The following NPFFR2 variants were observed in gnomAD, a reference collection of about 807,000 sequenced individuals.
NPFFR2 encodes G-protein coupled receptor 74.
In NPFFR2, 15 loss-of-function variants were observed where a neutral mutation model predicts 13.1. The ratio of observed to expected loss-of-function variants is 1.15; its 90% CI spans 0.77 to 1.76. The LOEUF (loss-of-function observed/expected upper bound fraction) is 1.76, where lower values mean the gene tolerates loss of function less well. Among genes scored for constraint, NPFFR2 ranks in the 40% most tolerant of loss-of-function variants. The pLI is 0.00. For synonymous variants in NPFFR2, 190 were observed against 175.7 expected (o/e 1.08, Z -0.65); for missense variants, 572 against 503.5 (o/e 1.14, Z -1.30).
intron 1 of NPFFR2, among the ~76,000 whole-genome samples, chr4:72,063,450 A>G (rs1432720071): frequency 6.6e-6 from 1 of 152,208 alleles, no homozygotes; most frequent in Non-Finnish European, 1.5e-5. Flanking sequence ...GTCAGCTTCT[A>G]AAGAAATGGT....
intron 3 of NPFFR2, among the ~76,000 whole-genome samples, chr4:72,142,735 AT>A (rs1474548070): frequency 6.6e-6 from 1 of 152,214 alleles, no homozygotes; most frequent in African/African-American, 2.4e-5. Context: ...AGAAATGCAA[AT>A]GAGCTAAAAT....
In NPFFR2 at chr4:72,068,896, G is replaced by A. The variant is rs564972797; in HGVS notation, c.-8+36696G>A. 9.6e-5 allele frequency: 76 copies of A among 787,692 alleles called. 1 individual carries two copies. The highest frequency in any genetic ancestry group is 2.1e-4 in the Admixed American group (6 of 27,966). 48.8% of individuals were successfully genotyped at this position (787,692 alleles called of 1,614,324 possible). The stretch of plus-strand genomic sequence containing the variant: ...GCATGGCTCTAGACACATATGGTTT[G>A]ATTTCTTTATTTCCAGGTCTCCTCA... On this transcript the variant is annotated intron_variant, in intron 1 of 3. Coordinates refer to ENST00000308744, the MANE Select transcript of NPFFR2 (RefSeq NM_004885.3).
chr4:72,038,266 C>T (rs1357677626), intron 1 of NPFFR2, among the ~76,000 whole-genome samples: 1 of 152,150 alleles, frequency 6.6e-6, no homozygotes, highest in African/African-American at 2.4e-5. Context: ...AGCCCACTTG[C>T]TAGTTGAGAC....
rs1722805052 is a variant in NPFFR2 at position 72,147,102 on chromosome 4, C to G, written c.553C>G (p.Gln185Glu). 6.2e-7 allele frequency: 1 copy of G among 1,613,886 alleles called. No homozygotes were observed. Among genetic ancestry groups the G allele is most frequent in the South Asian group, 1.1e-5 (1 of 91,076 alleles). ...MSPSAVMLHVQEEKYYRVRLN... is the reference protein window; with the variant it reads ...MSPSAVMLHVEEEKYYRVRLN... ...TCCATCTGCAGTAATGTTACATGTG[C>G]AAGAAGAAAAATATTACCGAGTGAG... is the stretch of plus-strand genomic sequence containing the variant. The change falls in exon 4 of 4, where the codon CAA (glutamine) becomes GAA (glutamate). Residue 185 changes from glutamine (Q) to glutamate (E), a missense_variant. Physicochemically the swap from Gln to Glu is conservative, Grantham distance 29 (BLOSUM62 2). Coordinates refer to ENST00000308744, the MANE Select transcript of NPFFR2 (RefSeq NM_004885.3).
intron 1 of NPFFR2, among the ~76,000 whole-genome samples, chr4:72,115,512 C>G (rs1235804476): frequency 6.6e-6 from 1 of 152,106 alleles, no homozygotes; most frequent in African/African-American, 2.4e-5. Flanking sequence ...CATGTGTGTC[C>G]TTGGTCTTAT....
chr4:72,044,192 A>T (rs146720271), intron 1 of NPFFR2, among the ~76,000 whole-genome samples: 73 of 152,306 alleles, frequency 4.8e-4, no homozygotes, highest in African/African-American at 1.7e-3. Context: ...CTCATGCAGA[A>T]TTGTGAATCA....
In NPFFR2 at chr4:72,147,914, TAAAAC is replaced by T. The variant is rs1722842230; in HGVS notation, c.*104_*108del. The T allele has an allele frequency of 9.8e-6, 9 of 917,230 alleles. No individual in the cohort carries two copies. Among genetic ancestry groups the T allele is most frequent in the Admixed American group, 7.1e-5 (2 of 28,238 alleles). The allele number at this position is 917,230 out of a possible 1,614,324, so 56.8% of individuals were successfully genotyped here. On this transcript the variant is annotated 3_prime_UTR_variant, in exon 4 of 4. Transcript: ENST00000308744. ...CAAATTTTTCAAAGAATGTTCTAAA[TAAAAC>T]ATTTACTGAAAGCCCTCTCTGGCAA...
intron 1 of NPFFR2, among the ~76,000 whole-genome samples, chr4:72,062,810 C>A (rs1343833110): frequency 6.6e-6 from 1 of 152,136 alleles, no homozygotes; most frequent in African/African-American, 2.4e-5. Context: ...GCCCAGTTGT[C>A]TCAGTTAAAG....
intron 2 of NPFFR2, among the ~76,000 whole-genome samples, chr4:72,132,419 T>G (rs1265623469): frequency 1.3e-5 from 2 of 152,216 alleles, no homozygotes; most frequent in Non-Finnish European, 2.9e-5. Flanking sequence ...TTAGATTGAT[T>G]CCATGTCTTT....
chr4:72,075,359 CATTCCATT>C (rs1295847147), intron 1 of NPFFR2, among the ~76,000 whole-genome samples: 5 of 152,092 alleles, frequency 3.3e-5, no homozygotes, highest in African/African-American at 1.2e-4. Context: ...TAATAAACTC[CATTCCATT>C]AGTTCTGTCC....
chr4:72,079,818 G>C (rs1720553668), intron 1 of NPFFR2, among the ~76,000 whole-genome samples: 1 of 152,148 alleles, frequency 6.6e-6, no homozygotes, highest in East Asian at 1.9e-4. Context: ...ATGTCCCCTG[G>C]GCCCTGCAAC....
intron 1 of NPFFR2, among the ~76,000 whole-genome samples, chr4:72,066,630 T>C (rs1417729611): frequency 1.5e-5 from 1 of 66,274 alleles, no homozygotes; most frequent in Non-Finnish European, 4.1e-5. Flanking sequence ...ACAAGTTAGA[T>C]GTTTCTGTTC....
At chr4:72,046,104 A>G (rs56770153) in intron 1 of NPFFR2, among the ~76,000 whole-genome samples, 1 of 152,108 alleles carries the variant, frequency 6.6e-6, no homozygotes. Flanking sequence ...AGGCAAAAAA[A>G]TAGCTGCCAT....
chr4:72,073,438 G>A (rs1478993490), intron 1 of NPFFR2, among the ~76,000 whole-genome samples: 1 of 151,950 alleles, frequency 6.6e-6, no homozygotes, highest in Non-Finnish European at 1.5e-5. Flanking sequence ...CCTGCAGGTT[G>A]AAATTAAAGA....
Position 72,128,735 on chromosome 4 carries a change from C to A in NPFFR2, c.144C>A (p.Phe48Leu), listed in dbSNP as rs376287922. ...YLHQPQVAAI[F>L]IISYFLIFFL... ...ACCAGCCTCAAGTGGCAGCAATCTTCATTATTTCCTACTTTCTGATCTTCT... is the reference window on the plus strand; with the variant it reads ...ACCAGCCTCAAGTGGCAGCAATCTTAATTATTTCCTACTTTCTGATCTTCT... Residue 48 changes from phenylalanine to leucine, a missense_variant, in exon 2 of 4, where the codon TTC becomes TTA. Physicochemically the swap from Phe to Leu is conservative, Grantham distance 22. Coordinates refer to ENST00000308744, the MANE Select transcript of NPFFR2 (RefSeq NM_004885.3). 9 of 1,614,110 alleles carry A rather than the reference C, an allele frequency of 5.6e-6. No individual in the cohort carries two copies. The highest frequency in any genetic ancestry group is 7.6e-6 in the Non-Finnish European group (9 of 1,180,000).
At chr4:72,116,904 T>C (rs1269210605) in intron 1 of NPFFR2, among the ~76,000 whole-genome samples, 1 of 152,080 alleles carries the variant, frequency 6.6e-6, no homozygotes, top group Non-Finnish European at 1.5e-5. Flanking sequence ...CCCCCTCCTA[T>C]AGACCTAAGC....
intron 2 of NPFFR2, among the ~76,000 whole-genome samples, chr4:72,129,251 TGTGGGTGTTTCTCGTAAG>T (rs1167752644): frequency 6.6e-6 from 1 of 151,828 alleles, no homozygotes; most frequent in African/African-American, 2.4e-5. Context: ...CCTACACACC[TGTGGGTGTTTCTCGTAAG>T]GTGGGACGAG....
Position 72,147,625 on chromosome 4 carries a change from C to G in NPFFR2, c.1076C>G (p.Pro359Arg), listed in dbSNP as rs1344309207. The part of the protein sequence containing the change: ...QLQLCQKRAK[P>R]MEAYALKAKS... ...CAGCTCTGCCAAAAAAGAGCAAAGC[C>G]TATGGAAGCTTATGCCCTAAAAGCT... The change falls in exon 4 of 4, where the codon CCT becomes CGT. Residue 359 changes from proline (P) to arginine (R), a missense_variant. Physicochemically the swap from Pro to Arg is moderately radical, Grantham distance 103. Transcript: ENST00000308744. 6.2e-6 allele frequency: 10 copies of G among 1,614,148 alleles called. No homozygotes were observed. The highest frequency in any genetic ancestry group is 8.5e-6 in the Non-Finnish European group (10 of 1,180,034).
At chr4:72,103,156 C>T (rs1023897594) in intron 1 of NPFFR2, among the ~76,000 whole-genome samples, 1 of 152,124 alleles carries the variant, frequency 6.6e-6, no homozygotes, top group African/African-American at 2.4e-5. Flanking sequence ...AATGTGCAAA[C>T]ACAAATGATT....
Sources: gnomAD v4.1 joint callset for allele counts (sites outside exome capture counted in the v4.1 genomes callset) on GRCh38, gnomAD v4.1.1 for gene constraint, MANE v1.5 for transcripts, NCBI Gene and HGNC (gene_info 2026-07-23, HGNC 2026-07-21) for gene names.